The following PXDNL variants were observed in gnomAD, a reference collection of about 807,000 sequenced individuals.
PXDNL encodes probable oxidoreductase PXDNL.
In PXDNL, 145 loss-of-function variants were observed where a neutral mutation model predicts 150.8. That is an observed-to-expected ratio of 0.96 (90% CI 0.84 to 1.10). The LOEUF (loss-of-function observed/expected upper bound fraction) is 1.10, where lower values mean the gene tolerates loss of function less well. Among genes scored for constraint, PXDNL ranks in the 50% least tolerant of loss-of-function variants. PXDNL has a pLI of 0.00. For synonymous variants in PXDNL, 757 were observed against 725.7 expected (o/e 1.04, Z -0.69); for missense variants, 2,087 against 1,873.9 (o/e 1.11, Z -2.10).
At chr8:51,696,798 T>TATCCACACACAC (rs1563510249) in intron 1 of PXDNL, among the ~76,000 whole-genome samples, 4 of 3,792 alleles carry the variant, frequency 1.1e-3, no homozygotes, top group Non-Finnish European at 1.2e-3. Context: ...CACCCACACA[T>TATCCACACACAC]AGGTCTTCAC....
intron 1 of PXDNL, among the ~76,000 whole-genome samples, chr8:51,767,291 T>TCTC (rs899832239): frequency 6.6e-6 from 1 of 151,878 alleles, no homozygotes; most frequent in African/African-American, 2.4e-5. Context: ...CCTCCTCCTT[T>TCTC]CTCTGTGAAA....
chr8:51,322,495 T>C (rs531909333), intron 21 of PXDNL, among the ~76,000 whole-genome samples: 52 of 152,130 alleles, frequency 3.4e-4, no homozygotes, highest in Admixed American at 1.7e-3. Context: ...AAAAGTCACA[T>C]AAATTAATTA....
At chr8:51,465,682 T>C (rs1303797446) in intron 8 of PXDNL, among the ~76,000 whole-genome samples, 4 of 152,138 alleles carry the variant, frequency 2.6e-5, no homozygotes, top group Admixed American at 6.6e-5. Flanking sequence ...CTAGAACTGA[T>C]AAAGGATTTC....
chr8:51,508,639 A>C (rs76846846), intron 4 of PXDNL, among the ~76,000 whole-genome samples: 18,841 of 152,062 alleles, frequency 0.12, 1,454 homozygotes, highest in African/African-American at 0.2. Context: ...TTTCCAGCCA[A>C]ACTCAACAGC....
At chr8:51,681,477 T>A (rs968612376) in intron 1 of PXDNL, among the ~76,000 whole-genome samples, 1 of 152,224 alleles carries the variant, frequency 6.6e-6, no homozygotes, top group Non-Finnish European at 1.5e-5. Context: ...TAGAGGAGTC[T>A]ACATGCATCC....
At chr8:51,367,466 T>C (rs1410211429) in intron 19 of PXDNL, among the ~76,000 whole-genome samples, 2 of 152,188 alleles carry the variant, frequency 1.3e-5, no homozygotes, top group Admixed American at 6.5e-5. Flanking sequence ...ATTAATATAA[T>C]TGTTTGTGGA....
chr8:51,554,489 A>C (rs1009919039), intron 4 of PXDNL, among the ~76,000 whole-genome samples: 1 of 152,040 alleles, frequency 6.6e-6, no homozygotes, highest in Non-Finnish European at 1.5e-5. Context: ...GAATTTTCTA[A>C]ATCTTTATGT....
At chr8:51,424,623 G>T (rs1809044433) in intron 13 of PXDNL, among the ~76,000 whole-genome samples, 1 of 151,800 alleles carries the variant, frequency 6.6e-6, no homozygotes, top group African/African-American at 2.4e-5. Flanking sequence ...AATTAATATA[G>T]ACTTACATAC....
At chr8:51,325,853 T>C (rs1805468008) in intron 21 of PXDNL, among the ~76,000 whole-genome samples, 1 of 152,164 alleles carries the variant, frequency 6.6e-6, no homozygotes, top group Non-Finnish European at 1.5e-5. Flanking sequence ...ACTTGGCCTT[T>C]GCTGGTCTTG....
intron 14 of PXDNL, among the ~76,000 whole-genome samples, chr8:51,413,634 T>TA (rs1808714719): frequency 6.6e-6 from 1 of 152,124 alleles, no homozygotes; most frequent in Non-Finnish European, 1.5e-5. Context: ...TGTTAAACAT[T>TA]AAAGCAAAGT....
chr8:51,645,955 T>C (rs908441645), intron 2 of PXDNL, among the ~76,000 whole-genome samples: 2 of 151,872 alleles, frequency 1.3e-5, no homozygotes, highest in Admixed American at 6.6e-5. Flanking sequence ...CTGTGAGGCA[T>C]TGCAGCATAA....
intron 21 of PXDNL, among the ~76,000 whole-genome samples, chr8:51,335,654 A>T (rs1433825397): frequency 6.7e-6 from 1 of 149,602 alleles, no homozygotes; most frequent in Non-Finnish European, 1.5e-5. Flanking sequence ...AAATTCTTAT[A>T]TCTCATCTCA....
intron 1 of PXDNL, among the ~76,000 whole-genome samples, chr8:51,664,264 G>T (rs1248835430): frequency 6.6e-6 from 1 of 152,102 alleles, no homozygotes; most frequent in Non-Finnish European, 1.5e-5. Context: ...GAAACAAGAA[G>T]CTCTAAGTGA....
intron 4 of PXDNL, among the ~76,000 whole-genome samples, chr8:51,508,320 G>T (rs184909403): frequency 5.8e-4 from 88 of 152,308 alleles, no homozygotes; most frequent in Admixed American, 5.7e-3. Flanking sequence ...ATGTAGAAAA[G>T]AAAAACAAGG....
At position 51,435,940 on chromosome 8, in the gene PXDNL, G is replaced by A; in HGVS notation, c.1526-9182C>T. On this transcript the variant is annotated intron_variant, in intron 12 of 22. Coordinates refer to ENST00000356297, the MANE Select transcript of PXDNL (RefSeq NM_144651.5). ...AGTGAGTTCTGTGAAATGAAAAACT[G>A]TAATAAATGCATCTACTTTGAAGCT... is the stretch of plus-strand genomic sequence containing the variant. The A allele has an allele frequency of 6.0e-6, 3 of 501,832 alleles. 1 individual carries two copies. Among genetic ancestry groups the A allele is most frequent in the South Asian group, 3.1e-5 (2 of 65,374 alleles). The allele number at this position is 501,832 out of a possible 1,614,324, so 31.1% of individuals were successfully genotyped here.
At chr8:51,795,459 G>A (rs535678945) in intron 1 of PXDNL, among the ~76,000 whole-genome samples, 1 of 152,362 alleles carries the variant, frequency 6.6e-6, no homozygotes, top group Admixed American at 6.5e-5. Context: ...TCAGAATACA[G>A]TGCAATCAAA....
intron 1 of PXDNL, among the ~76,000 whole-genome samples, chr8:51,691,957 A>G (rs6981260): frequency 0.75 from 113,874 of 152,088 alleles, 42,738 homozygotes; most frequent in East Asian, 0.82. Context: ...TGAATTTATA[A>G]CCTAAATTTG....
At chr8:51,458,867 C>A (rs186961601) in intron 8 of PXDNL, among the ~76,000 whole-genome samples, 1 of 152,132 alleles carries the variant, frequency 6.6e-6, no homozygotes, top group Non-Finnish European at 1.5e-5. Flanking sequence ...TGTTTTAGAG[C>A]GGAATCACAG....
At chr8:51,695,098 G>C (rs16916734) in intron 1 of PXDNL, among the ~76,000 whole-genome samples, 5,247 of 152,182 alleles carry the variant, frequency 0.034, 291 homozygotes, top group African/African-American at 0.11. Context: ...ACCTTCAGAG[G>C]CTGTGTCAGC....
Sources: gnomAD v4.1 joint callset for allele counts (sites outside exome capture counted in the v4.1 genomes callset) on GRCh38, gnomAD v4.1.1 for gene constraint, MANE v1.5 for transcripts, NCBI Gene and HGNC (gene_info 2026-07-23, HGNC 2026-07-21) for gene names.